GRIA1: variants seen among roughly 807,000 people sequenced by gnomAD.
GRIA1 encodes glutamate receptor 1.
A neutral mutation model predicts 99.2 loss-of-function variants in GRIA1; 31 were observed. That is an observed-to-expected ratio of 0.31 (90% confidence interval 0.23 to 0.42). The LOEUF (loss-of-function observed/expected upper bound fraction) is 0.42, where lower values mean the gene tolerates loss of function less well. Ranked by LOEUF, GRIA1 falls within the 10% of genes least tolerant of loss-of-function variation. GRIA1 has a pLI of 1.00. For synonymous variants in GRIA1, 438 were observed against 432.4 expected, an observed-to-expected ratio of 1.01 and a Z score of -0.16; for missense variants, 782 against 1,157.5, an observed-to-expected ratio of 0.68 and a Z score of 4.71.
intron 1 of GRIA1, among the ~76,000 whole-genome samples, chr5:153,492,893 T>G (rs1010649730): frequency 6.6e-6 from 1 of 152,210 alleles, no homozygotes; most frequent in Non-Finnish European, 1.5e-5. Flanking sequence ...ACAAAAGGCT[T>G]GCAATCCATT....
At chr5:153,729,930 T>C (rs1438558654) in intron 11 of GRIA1, among the ~76,000 whole-genome samples, 4 of 152,128 alleles carry the variant, frequency 2.6e-5, no homozygotes, top group Non-Finnish European at 4.4e-5. Context: ...AAAAATGTCA[T>C]GTGTGAACAT....
chr5:153,521,081 G>A (rs1042353638), intron 2 of GRIA1, among the ~76,000 whole-genome samples: 7 of 152,180 alleles, frequency 4.6e-5, no homozygotes, highest in African/African-American at 9.7e-5. Context: ...AAAACTCTGC[G>A]AGTCATGCTG....
At chr5:153,774,989 C>T (rs780699337) in intron 13 of GRIA1, among the ~76,000 whole-genome samples, 4 of 152,152 alleles carry the variant, frequency 2.6e-5, no homozygotes, top group Non-Finnish European at 4.4e-5. Context: ...GCTGTCACTG[C>T]ATGTTTGGGG....
chr5:153,528,238 G>A (rs978118135), intron 2 of GRIA1, among the ~76,000 whole-genome samples: 4 of 152,080 alleles, frequency 2.6e-5, no homozygotes, highest in Admixed American at 6.6e-5. Flanking sequence ...GTGAATAAAT[G>A]TCTTTTAAAT....
intron 7 of GRIA1, among the ~76,000 whole-genome samples, chr5:153,681,353 A>C (rs2149491994): frequency 6.6e-6 from 1 of 152,334 alleles, no homozygotes; most frequent in Admixed American, 6.5e-5. Flanking sequence ...TTTTAACATG[A>C]GACTTGGAAG....
At chr5:153,795,259 T>C (rs892611891) in intron 14 of GRIA1, among the ~76,000 whole-genome samples, 1 of 152,072 alleles carries the variant, frequency 6.6e-6, no homozygotes, top group Admixed American at 6.5e-5. Context: ...CAAAGTGATA[T>C]AGTGATACTC....
At chr5:153,745,589 C>CAAAAAAAAAAAAAA (rs58166158) in intron 11 of GRIA1, among the ~76,000 whole-genome samples, 2 of 100,906 alleles carry the variant, frequency 2.0e-5, no homozygotes, top group Non-Finnish European at 4.0e-5. Context: ...AACTCTGTCT[C>CAAAAAAAAAAAAAA]AAAAAAAAAA....
At chr5:153,692,394 T>C (rs1451990800) in intron 8 of GRIA1, among the ~76,000 whole-genome samples, 1 of 152,256 alleles carries the variant, frequency 6.6e-6, no homozygotes, top group Non-Finnish European at 1.5e-5. Flanking sequence ...CATGAGCTAA[T>C]GGTTACATGT....
chr5:153,553,168 A>T (rs1760307872), intron 2 of GRIA1, among the ~76,000 whole-genome samples: 1 of 152,236 alleles, frequency 6.6e-6, no homozygotes, highest in African/African-American at 2.4e-5. Flanking sequence ...CTTCTTAACT[A>T]AAAGAGAAAG....
intron 2 of GRIA1, among the ~76,000 whole-genome samples, chr5:153,643,726 C>A (rs1054226616): frequency 6.6e-6 from 1 of 152,156 alleles, no homozygotes; most frequent in Admixed American, 6.5e-5. Flanking sequence ...GGGAGTAGTG[C>A]GTAAATGCAC....
chr5:153,499,806 A>AT (rs1279648341), intron 2 of GRIA1, among the ~76,000 whole-genome samples: 8 of 152,086 alleles, frequency 5.3e-5, no homozygotes, highest in African/African-American at 1.9e-4. Flanking sequence ...TTTAGCAGGC[A>AT]TTAAAGGGTG....
Position 153,650,469 on chromosome 5 carries a change from G to C in GRIA1, c.600G>C (p.Val200=). 6.2e-7 allele frequency: 1 copy of C among 1,613,966 alleles called. No individual in the cohort carries two copies. The highest frequency in any genetic ancestry group is 8.5e-7 in the Non-Finnish European group (1 of 1,179,926). ...TGGAGAAGAAAAAGGAGCGGCTGGTGGTGGTGGACTGTGAATCAGAACGCC... is the reference window on the plus strand; with the variant it reads ...TGGAGAAGAAAAAGGAGCGGCTGGTCGTGGTGGACTGTGAATCAGAACGCC... The part of the protein sequence containing the change: ...QDLEKKKERL[V]VVDCESERLN... The change falls in exon 4 of 16, where the codon GTG becomes GTC. Residue 200 remains valine (V), a synonymous_variant. Transcript: ENST00000285900.
intron 1 of GRIA1, chr5:153,492,438 A>C (rs932774489): frequency 5.9e-6 from 5 of 844,242 alleles, no homozygotes; most frequent in Non-Finnish European, 1.6e-6. Flanking sequence ...TTCATTGCAG[A>C]GGAGGAGAAA....
intron 2 of GRIA1, among the ~76,000 whole-genome samples, chr5:153,494,650 A>T (rs908415804): frequency 2.6e-5 from 4 of 152,214 alleles, no homozygotes; most frequent in Admixed American, 2.0e-4. Flanking sequence ...CAAACAGAAC[A>T]AAGGTGGCCT....
At chr5:153,726,820 G>A (rs1454454768) in intron 11 of GRIA1, among the ~76,000 whole-genome samples, 1 of 152,186 alleles carries the variant, frequency 6.6e-6, no homozygotes, top group Non-Finnish European at 1.5e-5. Flanking sequence ...AGGAGGAATT[G>A]GTACCATTCC....
chr5:153,514,672 T>G (rs971990442), intron 2 of GRIA1, among the ~76,000 whole-genome samples: 1 of 152,200 alleles, frequency 6.6e-6, no homozygotes, highest in Non-Finnish European at 1.5e-5. Flanking sequence ...CTGTTTGGGA[T>G]TTTTTTGTAG....
intron 2 of GRIA1, among the ~76,000 whole-genome samples, chr5:153,594,533 T>C (rs966161048): frequency 1.3e-5 from 2 of 152,180 alleles, no homozygotes; most frequent in Non-Finnish European, 2.9e-5. Flanking sequence ...AATGAGTGTA[T>C]GTTTTTTTAA....
intron 14 of GRIA1, among the ~76,000 whole-genome samples, chr5:153,801,457 T>TGA (rs1581680351): frequency 6.6e-6 from 1 of 152,150 alleles, no homozygotes; most frequent in East Asian, 1.9e-4. Flanking sequence ...GGCCTTCCTC[T>TGA]GGCTCCACAG....
intron 2 of GRIA1, among the ~76,000 whole-genome samples, chr5:153,621,505 C>T (rs1037792489): frequency 1.3e-5 from 2 of 152,126 alleles, no homozygotes; most frequent in Non-Finnish European, 2.9e-5. Context: ...AAACTCAGAA[C>T]TGACCCTTAC....
Sources: gnomAD v4.1 joint callset for allele counts (sites outside exome capture counted in the v4.1 genomes callset) on GRCh38, gnomAD v4.1.1 for gene constraint, MANE v1.5 for transcripts, NCBI Gene and HGNC (gene_info 2026-07-23, HGNC 2026-07-21) for gene names.